Variants in CAMTA1 observed in about 807,000 individuals in gnomAD.
CAMTA1 encodes calmodulin-binding transcription activator 1.
In CAMTA1, 27 loss-of-function variants were observed where a neutral mutation model predicts 170.9. That is an observed-to-expected ratio of 0.16 (90% CI 0.12 to 0.22). CAMTA1 has a LOEUF of 0.22. Ranked by LOEUF, CAMTA1 falls within the 10% of genes least tolerant of loss-of-function variation. The pLI is 1.00. For missense variants in CAMTA1, 1,619 were observed against 2,217.2 expected (o/e 0.73, Z 5.42); for synonymous variants, 833 against 891.5 (o/e 0.93, Z 1.17).
intron 6 of CAMTA1, among the ~76,000 whole-genome samples, chr1:7,521,043 T>C (rs1393477162): frequency 1.3e-5 from 2 of 152,180 alleles, no homozygotes; most frequent in African/African-American, 4.8e-5. Context: ...CTCTTATCAG[T>C]CCATGGGGAA....
At chr1:7,678,158 G>A (rs1197923604) in intron 11 of CAMTA1, among the ~76,000 whole-genome samples, 2 of 152,200 alleles carry the variant, frequency 1.3e-5, no homozygotes, top group African/African-American at 4.8e-5. Context: ...AGAGGCCATC[G>A]CCAAGCCCCA....
At chr1:7,008,983 C>T (rs538281464) in intron 3 of CAMTA1, among the ~76,000 whole-genome samples, 6 of 152,352 alleles carry the variant, frequency 3.9e-5, no homozygotes, top group Admixed American at 3.9e-4. Flanking sequence ...GGAGCATCTC[C>T]TGGGCCAGGA....
At chr1:7,085,395 G>A (rs1204443829) in intron 3 of CAMTA1, among the ~76,000 whole-genome samples, 2 of 152,228 alleles carry the variant, frequency 1.3e-5, no homozygotes, top group Non-Finnish European at 2.9e-5. Flanking sequence ...GCTCTGCTGT[G>A]TCAGCAGTCA....
At chr1:7,369,617 C>T (rs1305211170) in intron 5 of CAMTA1, among the ~76,000 whole-genome samples, 5 of 151,962 alleles carry the variant, frequency 3.3e-5, no homozygotes, top group African/African-American at 4.8e-5. Flanking sequence ...ACTAGCGTCT[C>T]CCCACAGCCT....
At chr1:7,439,169 G>A (rs2092442583) in intron 5 of CAMTA1, among the ~76,000 whole-genome samples, 1 of 152,166 alleles carries the variant, frequency 6.6e-6, no homozygotes, top group South Asian at 2.1e-4. Context: ...TGCGGTCCTG[G>A]GTCGGGCCCG....
At chr1:7,221,903 G>GCATACACACACACACACACACACA (rs1405706588) in intron 4 of CAMTA1, among the ~76,000 whole-genome samples, 96 of 124,316 alleles carry the variant, frequency 7.7e-4, no homozygotes, top group Non-Finnish European at 1.2e-3. Context: ...ACAAGCTGGT[G>GCATACACACACACACACACACACA]CATACACACA....
intron 5 of CAMTA1, among the ~76,000 whole-genome samples, chr1:7,295,687 C>T (rs1673824848): frequency 6.6e-6 from 1 of 152,124 alleles, no homozygotes; most frequent in South Asian, 2.1e-4. Context: ...GTTTTGGTTC[C>T]TGAAGATTCA....
chr1:7,280,806 C>T (rs548991495), intron 5 of CAMTA1, among the ~76,000 whole-genome samples: 3 of 152,160 alleles, frequency 2.0e-5, no homozygotes, highest in South Asian at 2.1e-4. Flanking sequence ...ATGACATTAG[C>T]GTCTGGAAGG....
intron 3 of CAMTA1, among the ~76,000 whole-genome samples, chr1:6,989,115 G>T (rs1695889180): frequency 6.6e-6 from 1 of 152,142 alleles, no homozygotes; most frequent in African/African-American, 2.4e-5. Context: ...CCAGGTTCCA[G>T]CCCTCAGGTG....
At chr1:6,916,819 C>T (rs905294645) in intron 3 of CAMTA1, among the ~76,000 whole-genome samples, 10 of 152,166 alleles carry the variant, frequency 6.6e-5, no homozygotes, top group East Asian at 3.9e-4. Context: ...ACACTTATTC[C>T]GTGCAGATGT....
At chr1:6,940,660 G>T (rs1686286324) in intron 3 of CAMTA1, among the ~76,000 whole-genome samples, 4 of 152,122 alleles carry the variant, frequency 2.6e-5, no homozygotes, top group Admixed American at 2.6e-4. Context: ...GGCCTTTTGG[G>T]GGCCAAGGGT....
intron 16 of CAMTA1, among the ~76,000 whole-genome samples, chr1:7,741,728 C>T (rs1363202151): frequency 2.0e-5 from 3 of 151,982 alleles, no homozygotes; most frequent in Admixed American, 1.3e-4. Flanking sequence ...AACTCCGTCT[C>T]TACTAAAAAT....
chr1:7,668,992 C>T (rs759865332), intron 9 of CAMTA1, among the ~76,000 whole-genome samples: 1 of 152,104 alleles, frequency 6.6e-6, no homozygotes, highest in Non-Finnish European at 1.5e-5. Flanking sequence ...CAGCCAGGCA[C>T]CCACTCCCCC....
At chr1:6,922,881 C>T (rs183846393) in intron 3 of CAMTA1, among the ~76,000 whole-genome samples, 1 of 152,214 alleles carries the variant, frequency 6.6e-6, no homozygotes. Flanking sequence ...GGAACACACC[C>T]CCTTCCGTTA....
At position 7,363,101 on chromosome 1, in the gene CAMTA1, G is replaced by A. The variant is rs147812950; in HGVS notation, c.439-104729G>A. Among the ~76,000 whole-genome samples, 66 of 152,338 alleles carry A rather than the reference G, an allele frequency of 4.3e-4. 1 individual carries two copies. In the East Asian group the frequency reaches 0.012, roughly 28 times the overall value. ...TTTTTAAATAGGGACATGATACCAA[G>A]TTTGAAACGTGAGAGAGTGAGTAGG... On this transcript the variant is annotated intron_variant, in intron 5 of 22. Coordinates refer to ENST00000303635, the MANE Select transcript of CAMTA1 (RefSeq NM_015215.4).
intron 3 of CAMTA1, among the ~76,000 whole-genome samples, chr1:7,026,202 G>C (rs1052356532): frequency 9.9e-5 from 15 of 152,134 alleles, no homozygotes; most frequent in Non-Finnish European, 1.9e-4. Context: ...GTTTATCCCA[G>C]CAAGGGACCT....
rs11120992 is a variant in CAMTA1 at position 7,631,076 on chromosome 1, C to T, written c.511-9324C>T. Among the ~76,000 whole-genome samples, 695 of 152,326 alleles carry T rather than the reference C, an allele frequency of 4.6e-3. 4 individuals are homozygous for T. Among genetic ancestry groups the T allele is most frequent in the African/African-American group, 0.016 (647 of 41,566 alleles). The stretch of plus-strand genomic sequence containing the variant: ...CTGAAGGCTGTTCCCCACTCCCCTG[C>T]ACACCCCACAGAGGGTGTTCTAACT... On this transcript the variant is annotated intron_variant, in intron 6 of 22. Transcript: ENST00000303635.
At chr1:7,312,830 C>G (rs1676938302) in intron 5 of CAMTA1, among the ~76,000 whole-genome samples, 1 of 152,094 alleles carries the variant, frequency 6.6e-6, no homozygotes, top group Admixed American at 6.5e-5. Context: ...GATTTTGTGC[C>G]TTTCCTGAGC....
At chr1:7,012,239 AC>A (rs1296891387) in intron 3 of CAMTA1, among the ~76,000 whole-genome samples, 2 of 151,722 alleles carry the variant, frequency 1.3e-5, no homozygotes, top group East Asian at 3.9e-4. Context: ...AAGTACCTTC[AC>A]CCTCTCTCAA....
Sources: gnomAD v4.1 joint callset for allele counts (sites outside exome capture counted in the v4.1 genomes callset) on GRCh38, gnomAD v4.1.1 for gene constraint, MANE v1.5 for transcripts, NCBI Gene and HGNC (gene_info 2026-07-23, HGNC 2026-07-21) for gene names.